Variants in TSHZ3 observed in about 807,000 individuals in gnomAD.
TSHZ3 encodes the protein teashirt homolog 3.
In TSHZ3, 10 loss-of-function variants were observed where a neutral mutation model predicts 64.5. The ratio of observed to expected loss-of-function variants is 0.16; its 90% CI spans 0.10 to 0.26. The LOEUF (loss-of-function observed/expected upper bound fraction) is 0.26, where lower values mean the gene tolerates loss of function less well. Ranked by LOEUF, TSHZ3 falls within the 10% of genes least tolerant of loss-of-function variation. The probability of loss-of-function intolerance (pLI) is 1.00; values close to 1 mark genes in which losing one functional copy is unlikely to be tolerated. For synonymous variants in TSHZ3, 608 were observed against 593.1 expected (o/e 1.03, Z -0.36); for missense variants, 1,242 against 1,421.7 (o/e 0.87, Z 2.03).
chr19:31,294,500 AG>A (rs1227285616), intron 1 of TSHZ3, among the ~76,000 whole-genome samples: 1 of 152,184 alleles, frequency 6.6e-6, no homozygotes. Flanking sequence ...ACATGCACCC[AG>A]GCCTCACTAG....
intron 5 of TSHZ3, among the ~76,000 whole-genome samples, chr19:31,157,100 ATT>A (rs34441625): frequency 2.6e-5 from 4 of 151,556 alleles, no homozygotes; most frequent in East Asian, 1.9e-4. Context: ...CTAACCTGGC[ATT>A]TTTTTTTGTG....
chr19:31,194,836 G>A (rs867562949), intron 5 of TSHZ3, among the ~76,000 whole-genome samples: 5 of 152,102 alleles, frequency 3.3e-5, no homozygotes, highest in Admixed American at 6.6e-5. Context: ...TGTATAAAGT[G>A]GACACCATGC....
intron 6 of TSHZ3, among the ~76,000 whole-genome samples, chr19:31,152,063 CA>C (rs1344247734): frequency 3.3e-5 from 5 of 151,330 alleles, no homozygotes; most frequent in African/African-American, 9.7e-5. Context: ...TTTGTAGAGA[CA>C]AAGAGTCAAT....
rs377296959 is a variant in TSHZ3, at chr19:31,277,804, G to A, written c.1989C>T (p.Gly663=). 9.7e-6 allele frequency: 15 copies of A among 1,543,358 alleles called. No homozygotes were observed. Among genetic ancestry groups the A allele is most frequent in the Non-Finnish European group, 1.3e-5 (15 of 1,147,932 alleles). The change falls in exon 2 of 2, where the codon GGC becomes GGT. Residue 663 remains glycine, a synonymous_variant. Coordinates refer to ENST00000240587, the MANE Select transcript of TSHZ3 (RefSeq NM_020856.4). This position sits in a 1 kb window ranked among gnomAD's most constrained non-coding sequence, Gnocchi z 4.5. Reference sequence around the variant, plus strand: ...TGGGGCTGTTCTCCTGGCTGCGGAAGCCCCCATCGCTGGATGCCTCCATCT... The same window carrying A: ...TGGGGCTGTTCTCCTGGCTGCGGAAACCCCCATCGCTGGATGCCTCCATCT... The part of the protein sequence containing the change: ...PIKMEASSDG[G]FRSQENSPSP...
chr19:31,291,647 G>A (rs533241847), intron 1 of TSHZ3, among the ~76,000 whole-genome samples: 3 of 152,284 alleles, frequency 2.0e-5, no homozygotes, highest in Non-Finnish European at 1.5e-5. Flanking sequence ...AGATAACAAA[G>A]AATAAATAAA....
At chr19:31,335,148 T>C (rs1181563936) in intron 1 of TSHZ3, among the ~76,000 whole-genome samples, 2 of 152,194 alleles carry the variant, frequency 1.3e-5, no homozygotes, top group African/African-American at 4.8e-5. Context: ...GCATTAAAGG[T>C]TGACATTTTT....
chr19:31,235,921 G>A (rs1382729472), intron 3 of TSHZ3, among the ~76,000 whole-genome samples: 3 of 151,622 alleles, frequency 2.0e-5, no homozygotes, highest in South Asian at 4.2e-4. Context: ...TCACCATGTT[G>A]GCCAGGCTGG....
chr19:31,214,593 G>C (rs1975301634), intron 4 of TSHZ3, among the ~76,000 whole-genome samples: 1 of 152,104 alleles, frequency 6.6e-6, no homozygotes, highest in Non-Finnish European at 1.5e-5. Flanking sequence ...TAAGTGTGGG[G>C]GTCCTGAAGA....
At chr19:31,244,337 A>T (rs912757740) in intron 1 of TSHZ3, among the ~76,000 whole-genome samples, 4 of 152,148 alleles carry the variant, frequency 2.6e-5, no homozygotes, top group African/African-American at 9.7e-5. Flanking sequence ...CATGTAAGAC[A>T]TGCTGGCTTC....
chr19:31,212,078 G>T (rs951888221), intron 4 of TSHZ3, among the ~76,000 whole-genome samples: 1 of 151,104 alleles, frequency 6.6e-6, no homozygotes, highest in Admixed American at 6.6e-5. Context: ...TGATACCATA[G>T]GAAATTTTGA....
chr19:31,212,175 G>C (rs1017068032), intron 4 of TSHZ3, among the ~76,000 whole-genome samples: 2 of 152,104 alleles, frequency 1.3e-5, no homozygotes, highest in African/African-American at 4.8e-5. Flanking sequence ...GCAAAGGGTG[G>C]CCAGACGCCA....
At chr19:31,175,497 C>G (rs562734289) in intron 5 of TSHZ3, among the ~76,000 whole-genome samples, 1 of 152,264 alleles carries the variant, frequency 6.6e-6, no homozygotes, top group East Asian at 1.9e-4. Context: ...CTCTGATAAA[C>G]CTTCCTCTAG....
At chr19:31,285,964 A>G (rs1976454541) in intron 1 of TSHZ3, among the ~76,000 whole-genome samples, 1 of 152,030 alleles carries the variant, frequency 6.6e-6, no homozygotes, top group South Asian at 2.1e-4. Flanking sequence ...AAACCAAACC[A>G]ACAGCTGCAA....
At chr19:31,192,418 T>C (rs1394242103) in intron 5 of TSHZ3, among the ~76,000 whole-genome samples, 1 of 152,230 alleles carries the variant, frequency 6.6e-6, no homozygotes, top group African/African-American at 2.4e-5. Flanking sequence ...CTTCCAGTTT[T>C]ATAGCTGTTT....
chr19:31,231,359 T>C (rs1910877358), intron 3 of TSHZ3, among the ~76,000 whole-genome samples: 2 of 152,010 alleles, frequency 1.3e-5, no homozygotes, highest in South Asian at 2.1e-4. Flanking sequence ...CTGATCTACA[T>C]TGATTAGGTG....
rs151334124 is a variant in TSHZ3 at position 31,170,828 on chromosome 19, C to T, written n.810-14411G>A. Among the ~76,000 whole-genome samples, 821 of 152,256 alleles carry T rather than the reference C, an allele frequency of 5.4e-3. 3 individuals carry two copies. Among genetic ancestry groups the T allele is most frequent in the Middle Eastern group, 0.037 (11 of 294 alleles). On this transcript the variant is annotated intron_variant and non_coding_transcript_variant, in intron 5 of 6. Transcript: ENST00000651361. ...TCCATTATCACCCCATTAATGGAGA[C>T]GAGGTAAGGCAATCTGAAAACATTT...
downstream of TSHZ3, among the ~76,000 whole-genome samples, chr19:31,271,166 C>T (rs186351006): frequency 6.6e-6 from 1 of 152,138 alleles, no homozygotes; most frequent in South Asian, 2.1e-4. Flanking sequence ...AATCTATTGT[C>T]TTGGCAGGGC....
At chr19:31,313,027 G>A (rs1245046396) in intron 1 of TSHZ3, among the ~76,000 whole-genome samples, 1 of 151,802 alleles carries the variant, frequency 6.6e-6, no homozygotes, top group Non-Finnish European at 1.5e-5. Context: ...GTTAAAACGT[G>A]TGTAAACAGT....
intron 3 of TSHZ3, among the ~76,000 whole-genome samples, chr19:31,233,411 T>C (rs1472813927): frequency 6.6e-6 from 1 of 152,242 alleles, no homozygotes; most frequent in Non-Finnish European, 1.5e-5. Context: ...AAATGCCTAT[T>C]CAGAACTTCT....
Sources: gnomAD v4.1 joint callset for allele counts (sites outside exome capture counted in the v4.1 genomes callset) on GRCh38, gnomAD v4.1.1 for gene constraint, Gnocchi (gnomAD v3.1) non-coding constraint, MANE v1.5 for transcripts, NCBI Gene and HGNC (gene_info 2026-07-23, HGNC 2026-07-21) for gene names.